The following BCOR variants were observed in gnomAD, a reference collection of about 807,000 sequenced individuals.
BCOR encodes BCL6 corepressor, also known as BCL-6 corepressor.
BCOR carries 10 observed loss-of-function variants against 86.7 expected under a neutral mutation model. The ratio of observed to expected loss-of-function variants is 0.12; its 90% CI spans 0.07 to 0.20. BCOR has a LOEUF of 0.20. BCOR is among the 10% of genes least tolerant of loss of function. BCOR has a pLI of 1.00. For missense variants in BCOR, 1,259 were observed against 1,452.1 expected (o/e 0.87, Z 2.16); for synonymous variants, 611 against 609.0 (o/e 1.00, Z -0.05).
chrX:40,133,778 GCCCTAACATCTGGGGAGTCTTTT>G (rs1937631248), intron 1 of BCOR, among the ~76,000 whole-genome samples: 1 of 111,251 alleles, frequency 9.0e-6, no homozygotes, highest in South Asian at 3.8e-4. Context: ...AACCTTCTTG[GCCCTAACATCTGGGGAGTCTTTT>G]CTACTCCCAC....
At chrX:40,057,849 C>G (rs1247433173) in intron 10 of BCOR, among the ~76,000 whole-genome samples, 1 of 112,173 alleles carries the variant, frequency 8.9e-6, no homozygotes, top group East Asian at 2.8e-4. Context: ...GAACGTTTCT[C>G]AACTTCACAG....
upstream of BCOR, among the ~76,000 whole-genome samples, chrX:40,098,228 A>G (rs1936988243): frequency 9.2e-6 from 1 of 108,727 alleles, no homozygotes. Flanking sequence ...ATTCCCCAGG[A>G]AAGGTTTGCC....
intron 10 of BCOR, 61 bp from the exon 11 acceptor site, chrX:40,057,382 C>CCT: frequency 9.0e-7 from 1 of 1,111,603 alleles, no homozygotes; most frequent in South Asian, 1.9e-5. Flanking sequence ...GTAAGGTGGA[C>CCT]CTCTCTGTAG....
intron 1 of BCOR, among the ~76,000 whole-genome samples, chrX:40,125,111 A>G (rs1017015997): frequency 1.2e-4 from 13 of 110,883 alleles, no homozygotes; most frequent in Admixed American, 6.8e-4. Context: ...AGTCTGCTCA[A>G]GGGCAGCTGA....
chrX:40,093,047 T>A (rs967162984), intron 1 of BCOR, among the ~76,000 whole-genome samples: 8 of 112,565 alleles, frequency 7.1e-5, no homozygotes, highest in Non-Finnish European at 1.5e-4. Context: ...AATGGGCTAT[T>A]GTCTCTGGAA....
intron 1 of BCOR, among the ~76,000 whole-genome samples, chrX:40,154,107 T>C (rs1200246570): frequency 1.2e-4 from 13 of 111,154 alleles, no homozygotes; most frequent in African/African-American, 4.3e-4. Flanking sequence ...CTGGCTGCTC[T>C]GGAATAATAA....
intron 1 of BCOR, among the ~76,000 whole-genome samples, chrX:40,156,087 G>C (rs1938287699): frequency 8.8e-6 from 1 of 113,401 alleles, no homozygotes; most frequent in Admixed American, 9.2e-5. Context: ...CCTCGGAGCT[G>C]CCCTGCCCAT....
At chrX:40,090,453 A>AGGGGC (rs772260125) in intron 1 of BCOR, among the ~76,000 whole-genome samples, 88 of 112,428 alleles carry the variant, frequency 7.8e-4, no homozygotes, top group African/African-American at 2.5e-3. Flanking sequence ...CAGTTCGGGG[A>AGGGGC]GGGGCGGGGC....
chrX:40,174,469 A>G (rs1483363841), intron 1 of BCOR, among the ~76,000 whole-genome samples: 4 of 112,688 alleles, frequency 3.5e-5, no homozygotes, highest in African/African-American at 1.3e-4. Context: ...GTGCGCAAGA[A>G]AGAGCCCGAG....
At chrX:40,152,848 G>A (rs1938197942) in intron 1 of BCOR, among the ~76,000 whole-genome samples, 1 of 113,052 alleles carries the variant, frequency 8.8e-6, no homozygotes, top group South Asian at 3.6e-4. Flanking sequence ...CGGGAAAGGC[G>A]GTTGACTGCA....
chrX:40,169,329 C>T (rs1269063237), intron 1 of BCOR, among the ~76,000 whole-genome samples: 2 of 111,927 alleles, frequency 1.8e-5, no homozygotes, highest in African/African-American at 6.5e-5. Flanking sequence ...TCGAGTACAA[C>T]GCTATCGACT....
rs774948181 is a variant in BCOR at position 40,155,468 on chromosome X, G to A, written c.-41+21539C>T. Reference sequence around the variant, plus strand: ...CGGTGGGGAAGCAGGAAGGGGGTGGGGAGCAGGCGGCAAGGGAAGGAGGAG... The same window carrying A: ...CGGTGGGGAAGCAGGAAGGGGGTGGAGAGCAGGCGGCAAGGGAAGGAGGAG... On this transcript the variant is annotated intron_variant, in intron 1 of 14. Coordinates refer to the BCOR transcript ENST00000342274. Among the ~76,000 whole-genome samples the A allele has an allele frequency of 3.6e-5, 4 of 111,340 alleles. No individual in the cohort carries two copies. In the East Asian group the frequency reaches 1.1e-3, roughly 32 times the overall value.
intron 1 of BCOR, among the ~76,000 whole-genome samples, chrX:40,082,404 G>A (rs1936147277): frequency 8.9e-6 from 1 of 111,915 alleles, no homozygotes; most frequent in Admixed American, 9.4e-5. Flanking sequence ...CACAGGCATT[G>A]AGGGTGGCCC....
At chrX:40,136,871 A>C (rs1410898382) in intron 1 of BCOR, among the ~76,000 whole-genome samples, 9 of 112,520 alleles carry the variant, frequency 8.0e-5, no homozygotes, top group Non-Finnish European at 1.5e-4. Flanking sequence ...CTGATGAAGA[A>C]TGAGTTCTTC....
intron 1 of BCOR, among the ~76,000 whole-genome samples, chrX:40,159,408 G>C (rs183344409): frequency 8.9e-6 from 1 of 112,969 alleles, no homozygotes; most frequent in East Asian, 2.8e-4. Flanking sequence ...GTGCACTGGC[G>C]CGATCTCCGC....
At chrX:40,130,046 C>T (rs1384733860) in intron 1 of BCOR, among the ~76,000 whole-genome samples, 1 of 111,003 alleles carries the variant, frequency 9.0e-6, no homozygotes, top group African/African-American at 3.3e-5. Context: ...AGAAGAAGAA[C>T]AGACTTCACC....
At chrX:40,055,623 T>C in intron 11 of BCOR, 110 bp from the exon 12 acceptor site, 1 of 883,406 alleles carries the variant, frequency 1.1e-6, no homozygotes, top group Non-Finnish European at 1.6e-6. Flanking sequence ...GCACCTTGGG[T>C]ACTGAGCCTC....
At chrX:40,089,908 T>G (rs1483676155) in intron 1 of BCOR, among the ~76,000 whole-genome samples, 1 of 111,890 alleles carries the variant, frequency 8.9e-6, no homozygotes, top group Non-Finnish European at 1.9e-5. Flanking sequence ...CAGCAAGATG[T>G]TCTATTGGGC....
At chrX:40,081,633 G>A (rs1936111851) in intron 1 of BCOR, among the ~76,000 whole-genome samples, 1 of 112,644 alleles carries the variant, frequency 8.9e-6, no homozygotes, top group Non-Finnish European at 1.9e-5. Flanking sequence ...TGCAGGCTAT[G>A]CTTCCAGAAG....
Sources: gnomAD v4.1 joint callset for allele counts (sites outside exome capture counted in the v4.1 genomes callset) on GRCh38, gnomAD v4.1.1 for gene constraint, MANE v1.5 for transcripts, NCBI Gene and HGNC (gene_info 2026-07-23, HGNC 2026-07-21) for gene names.